Variants in DNAH12 observed in about 807,000 individuals in gnomAD.
DNAH12 encodes the protein axonemal beta dynein heavy chain 12.
A neutral mutation model predicts 371.5 loss-of-function variants in DNAH12; 285 were observed. That is an observed-to-expected ratio of 0.77 (90% CI 0.70 to 0.85). DNAH12 has a LOEUF of 0.85. Among genes scored for constraint, DNAH12 ranks in the 40% least tolerant of loss-of-function variants. DNAH12 has a pLI of 0.00. For synonymous variants in DNAH12, 1,200 were observed against 1,213.0 expected, an observed-to-expected ratio of 0.99 and a Z score of 0.22; for missense variants, 3,611 against 3,689.4, an observed-to-expected ratio of 0.98 and a Z score of 0.55.
At chr3:57,471,649 A>G (rs1431031334) in intron 14 of DNAH12, 43 bp from the exon 15 acceptor site, 9 of 1,455,440 alleles carry the variant, frequency 6.2e-6, no homozygotes, top group Middle Eastern at 1.8e-4. Context: ...ATCTGTAACA[A>G]AGAATTATCA....
At chr3:57,458,416 C>T (rs1459071068) in intron 20 of DNAH12, among the ~76,000 whole-genome samples, 196 bp from the exon 21 acceptor site, 1 of 152,066 alleles carries the variant, frequency 6.6e-6, no homozygotes, top group Non-Finnish European at 1.5e-5. Context: ...AAATACTTAT[C>T]CAAGGACACT....
At chr3:57,320,886 GA>G (rs2153290038) in intron 65 of DNAH12, among the ~76,000 whole-genome samples, 2 of 152,274 alleles carry the variant, frequency 1.3e-5, no homozygotes, top group East Asian at 3.9e-4. Context: ...TGTACTACCA[GA>G]GAAGTTGCTT....
At chr3:57,390,833 C>T (rs1425687621) in intron 45 of DNAH12, among the ~76,000 whole-genome samples, 3 of 152,042 alleles carry the variant, frequency 2.0e-5, no homozygotes, top group South Asian at 2.1e-4. Flanking sequence ...CTTCCAACTG[C>T]TTTGGTTTTT....
At chr3:57,448,421 A>G (rs2065607452) in intron 25 of DNAH12, among the ~76,000 whole-genome samples, 1 of 150,786 alleles carries the variant, frequency 6.6e-6, no homozygotes, top group South Asian at 2.1e-4. Flanking sequence ...CCTGAGTGTT[A>G]AAGCTCTTAA....
At position 57,458,092 on chromosome 3, in the gene DNAH12, A is replaced by G. The variant is rs1267870469; in HGVS notation, c.3053+7T>C. ...TTAATTACAGCACAATTGATTATTT[A>G]TCATACCGAGGGAAGAAAAGACGTT... On this transcript the variant is annotated splice_region_variant and intron_variant, in intron 21 of 73. Coordinates refer to ENST00000495027, the MANE Select transcript of DNAH12 (RefSeq NM_001366028.2). 68 of 1,543,024 alleles carry G rather than the reference A, an allele frequency of 4.4e-5. No individual in the cohort carries two copies. Among genetic ancestry groups the G allele is most frequent in the Non-Finnish European group, 5.6e-5 (64 of 1,144,664 alleles).
chr3:57,536,404 C>A (rs1206513817), intron 2 of DNAH12: 1 of 152,200 alleles, frequency 6.6e-6, no homozygotes, highest in East Asian at 1.9e-4. Flanking sequence ...ATATGTTTGA[C>A]CAGTGCAGAG....
rs1443812081 is a variant in DNAH12, at chr3:57,444,741, TAGTTATTCCA to T, written c.4491_4500del (p.Asn1497LysfsTer41). 2 of 1,550,234 alleles carry T rather than the reference TAGTTATTCCA, an allele frequency of 1.3e-6. No individual in the cohort carries two copies. Among genetic ancestry groups the T allele is most frequent in the Non-Finnish European group, 1.7e-6 (2 of 1,146,368 alleles). ...AGTTTAATACCAGGAAATAAGTCAC[TAGTTATTCCA>T]TTAAATAAAGGTATATCATGTGATA... On this transcript the variant is annotated frameshift_variant, in exon 29 of 74. Coordinates refer to ENST00000495027, the MANE Select transcript of DNAH12 (RefSeq NM_001366028.2). LOFTEE classifies it high-confidence loss of function.
chr3:57,324,875 C>T (rs921789575), intron 62 of DNAH12, among the ~76,000 whole-genome samples: 5 of 152,212 alleles, frequency 3.3e-5, no homozygotes, highest in African/African-American at 4.8e-5. Flanking sequence ...CCCAATACTG[C>T]GCTTTTCCGA....
intron 4 of DNAH12, among the ~76,000 whole-genome samples, chr3:57,522,949 A>T (rs1281769930): frequency 1.3e-5 from 2 of 152,064 alleles, no homozygotes; most frequent in African/African-American, 4.8e-5. Context: ...AGAATACTCA[A>T]TTATTACCCT....
Position 57,433,793 on chromosome 3 carries a change from G to C in DNAH12, c.4691C>G (p.Thr1564Arg). The C allele has an allele frequency of 6.5e-6, 10 of 1,547,796 alleles. No homozygotes were observed. Among genetic ancestry groups the C allele is most frequent in the Non-Finnish European group, 8.7e-6 (10 of 1,145,944 alleles). The change falls in exon 31 of 74, where the codon ACA becomes AGA. Residue 1564 changes from threonine to arginine, a missense_variant. Transcript: ENST00000495027. ...MLVGEPFAAK[T>R]KVLHVLADTL... The stretch of plus-strand genomic sequence containing the variant: ...ATCCGCCAGCACATGCAGAACTTTT[G>C]TCTTAGCAGCAAAAGGCTCTCCTAC...
chr3:57,462,601 T>C (rs1431200889), intron 18 of DNAH12, 89 bp downstream of exon 18: 3 of 1,448,890 alleles, frequency 2.1e-6, no homozygotes, highest in Non-Finnish European at 2.8e-6. Flanking sequence ...CGCTATCCAG[T>C]ACTATACACA....
At chr3:57,411,174 T>A (rs1164787445) in intron 39 of DNAH12, among the ~76,000 whole-genome samples, 1 of 152,186 alleles carries the variant, frequency 6.6e-6, no homozygotes, top group Non-Finnish European at 1.5e-5. Context: ...AGAGTTACCA[T>A]GTAAAATTCA....
intron 9 of DNAH12, 107 bp downstream of exon 9, chr3:57,503,909 G>T: frequency 1.1e-6 from 1 of 886,516 alleles, no homozygotes; most frequent in Non-Finnish European, 1.6e-6. Context: ...AATAATTGGG[G>T]GAGGAAAATA....
chr3:57,455,664 A>T (rs964591831), intron 22 of DNAH12, among the ~76,000 whole-genome samples: 1 of 152,214 alleles, frequency 6.6e-6, no homozygotes, highest in African/African-American at 2.4e-5. Context: ...CAATATAGTT[A>T]AAAACTGCAC....
At chr3:57,306,362 C>T (rs1287775959) in intron 69 of DNAH12, among the ~76,000 whole-genome samples, 1 of 152,126 alleles carries the variant, frequency 6.6e-6, no homozygotes, top group Admixed American at 6.5e-5. Flanking sequence ...TCTTAAAACT[C>T]CCCAACTCTG....
chr3:57,434,245 G>GGGCCA (rs571598744), intron 30 of DNAH12, among the ~76,000 whole-genome samples: 1,531 of 152,196 alleles, frequency 0.01, 25 homozygotes, highest in African/African-American at 0.035. Context: ...GCCCTCTTGT[G>GGGCCA]GAAAGACTAG....
intron 55 of DNAH12, among the ~76,000 whole-genome samples, chr3:57,375,091 A>G (rs946244538): frequency 2.6e-5 from 4 of 152,280 alleles, no homozygotes; most frequent in South Asian, 4.2e-4. Context: ...ACATAAGCAA[A>G]TATTGAACTT....
chr3:57,433,337 G>A (rs1485915746), intron 32 of DNAH12, 30 bp downstream of exon 32: 1 of 1,537,536 alleles, frequency 6.5e-7, no homozygotes, highest in East Asian at 2.5e-5. Flanking sequence ...AATCATGGCT[G>A]AATCTGCTTC....
chr3:57,384,695 A>G (rs1575528703), intron 49 of DNAH12, 134 bp downstream of exon 49: 1 of 152,328 alleles, frequency 6.6e-6, no homozygotes, highest in African/African-American at 2.4e-5. Context: ...AACTGTTAAG[A>G]GCCAAGTTTC....
Sources: allele counts gnomAD v4.1 joint callset (sites outside exome capture counted in the v4.1 genomes callset), GRCh38; gene constraint gnomAD v4.1.1; transcripts MANE v1.5; gene names NCBI Gene and HGNC (gene_info 2026-07-23, HGNC 2026-07-21).